Variants in NBAS observed in about 807,000 individuals in gnomAD.
The protein encoded by NBAS is NAG/BC035112 fusion.
NBAS carries 219 observed loss-of-function variants against 302.5 expected under a neutral mutation model. That is an observed-to-expected ratio of 0.72 (90% CI 0.65 to 0.81). The LOEUF (loss-of-function observed/expected upper bound fraction) is 0.81. Ranked by LOEUF, NBAS falls within the 30% of genes least tolerant of loss-of-function variation. NBAS has a pLI of 0.00. For missense variants in NBAS, 2,932 were observed against 2,841.6 expected, an observed-to-expected ratio of 1.03 and a Z score of -0.72; for synonymous variants, 1,118 against 1,021.6, an observed-to-expected ratio of 1.09 and a Z score of -1.80.
At chr2:15,191,478 A>T (rs1036015740) in intron 48 of NBAS, among the ~76,000 whole-genome samples, 5 of 152,198 alleles carry the variant, frequency 3.3e-5, no homozygotes, top group African/African-American at 1.2e-4. Context: ...TTAAAAGCCC[A>T]TGTCGTTCTT....
the NBAS span, among the ~76,000 whole-genome samples, chr2:14,923,448 T>G: frequency 2.0e-5 from 3 of 152,100 alleles, no homozygotes; most frequent in African/African-American, 7.2e-5. Flanking sequence ...GGCAAATCCT[T>G]CATCCATCAC....
chr2:15,503,478 G>A (rs1661682926), intron 11 of NBAS, among the ~76,000 whole-genome samples: 1 of 152,176 alleles, frequency 6.6e-6, no homozygotes, highest in Non-Finnish European at 1.5e-5. Flanking sequence ...TCCAAGACAG[G>A]AGTATGATTT....
the NBAS span, among the ~76,000 whole-genome samples, chr2:15,116,661 C>A: frequency 8.5e-5 from 13 of 152,124 alleles, no homozygotes; most frequent in Admixed American, 6.5e-4. Context: ...ATAATGATAC[C>A]CTACATGTGT....
the NBAS span, among the ~76,000 whole-genome samples, chr2:14,908,287 C>T: frequency 1.3e-5 from 2 of 152,232 alleles, no homozygotes; most frequent in Non-Finnish European, 2.9e-5. Context: ...GACGTGAACC[C>T]GGGAGGCGGA....
chr2:14,875,952 G>A, the NBAS span, among the ~76,000 whole-genome samples: 1 of 152,210 alleles, frequency 6.6e-6, no homozygotes, highest in African/African-American at 2.4e-5. Flanking sequence ...CATAGCAGCT[G>A]CAGTTGGGGC....
intron 25 of NBAS, among the ~76,000 whole-genome samples, chr2:15,413,421 A>C (rs929786198): frequency 2.0e-5 from 3 of 152,216 alleles, no homozygotes; most frequent in Non-Finnish European, 4.4e-5. Context: ...ACAGTATGAT[A>C]AGAGCTATAA....
intron 31 of NBAS, among the ~76,000 whole-genome samples, chr2:15,367,679 C>T (rs10929362): frequency 0.036 from 5,543 of 152,228 alleles, 341 homozygotes; most frequent in African/African-American, 0.13. Flanking sequence ...CATGGCTGTT[C>T]TCCATATATC....
intron 44 of NBAS, among the ~76,000 whole-genome samples, chr2:15,239,895 A>T (rs774882268): frequency 6.6e-6 from 1 of 152,116 alleles, no homozygotes; most frequent in Non-Finnish European, 1.5e-5. Context: ...TGCAGGAGTT[A>T]TATTTTTCTA....
At chr2:14,815,987 T>C in the NBAS span, among the ~76,000 whole-genome samples, 1 of 152,234 alleles carries the variant, frequency 6.6e-6, no homozygotes, top group Admixed American at 6.5e-5. Flanking sequence ...GCCAAGGTTG[T>C]AGCAACAGCT....
chr2:15,254,335 T>C (rs1431894546), intron 44 of NBAS, among the ~76,000 whole-genome samples: 2 of 152,180 alleles, frequency 1.3e-5, no homozygotes, highest in Non-Finnish European at 2.9e-5. Flanking sequence ...AAGGCTTCAA[T>C]TGATTAAGTG....
intron 42 of NBAS, among the ~76,000 whole-genome samples, chr2:15,280,097 C>A (rs751860121): frequency 1.3e-5 from 2 of 152,128 alleles, no homozygotes; most frequent in African/African-American, 4.8e-5. Context: ...ACAGAAGAAG[C>A]CAGCATTAGT....
chr2:15,006,730 G>T, the NBAS span, among the ~76,000 whole-genome samples: 1 of 152,092 alleles, frequency 6.6e-6, no homozygotes, highest in African/African-American at 2.4e-5. Context: ...AACTTTCCAA[G>T]CACCTGCTTT....
the NBAS span, among the ~76,000 whole-genome samples, chr2:15,143,697 G>C: frequency 6.6e-6 from 1 of 152,240 alleles, no homozygotes; most frequent in East Asian, 1.9e-4. Context: ...AAGATACAAA[G>C]TATTGATCCT....
At chr2:14,803,692 C>T in the NBAS span, among the ~76,000 whole-genome samples, 1 of 152,142 alleles carries the variant, frequency 6.6e-6, no homozygotes, top group East Asian at 1.9e-4. Flanking sequence ...CTCTGTCATC[C>T]AGGCTGGAGT....
chr2:15,112,317 A>G, the NBAS span, among the ~76,000 whole-genome samples: 1 of 152,118 alleles, frequency 6.6e-6, no homozygotes, highest in African/African-American at 2.4e-5. Context: ...GTGAATAAAC[A>G]TAACAGATAA....
chr2:14,822,685 C>A, the NBAS span, among the ~76,000 whole-genome samples: 1 of 152,156 alleles, frequency 6.6e-6, no homozygotes, highest in Non-Finnish European at 1.5e-5. Context: ...CACGGTGTAA[C>A]CTCCCAGTGA....
the NBAS span, among the ~76,000 whole-genome samples, chr2:15,125,342 A>G: frequency 8.6e-3 from 1,317 of 152,324 alleles, 22 homozygotes; most frequent in African/African-American, 0.031. Context: ...AAGCAGGAGC[A>G]GGCACATCAC....
intron 41 of NBAS, among the ~76,000 whole-genome samples, chr2:15,288,749 C>A (rs1670171894): frequency 6.6e-6 from 1 of 152,204 alleles, no homozygotes; most frequent in South Asian, 2.1e-4. Flanking sequence ...AGCACAGAGA[C>A]AGAAAAGAAA....
At chr2:15,475,627 G>A in intron 14 of NBAS, 60 bp downstream of exon 14, 1 of 1,469,230 alleles carries the variant, frequency 6.8e-7, no homozygotes, top group East Asian at 2.3e-5. Flanking sequence ...ATAAAAACCA[G>A]ATATTTAAAT....
Sources: gnomAD v4.1 joint callset for allele counts (sites outside exome capture counted in the v4.1 genomes callset) on GRCh38, gnomAD v4.1.1 for gene constraint, MANE v1.5 for transcripts, NCBI Gene and HGNC (gene_info 2026-07-23, HGNC 2026-07-21) for gene names.